PPP2R2B: variants seen among roughly 807,000 people sequenced by gnomAD.
PPP2R2B encodes the protein serine/threonine-protein phosphatase 2A 55 kDa regulatory subunit B beta isoform.
A neutral mutation model predicts 46.0 loss-of-function variants in PPP2R2B; 5 were observed. That is an observed-to-expected ratio of 0.11 (90% confidence interval 0.06 to 0.23). PPP2R2B has a LOEUF of 0.23. Among genes scored for constraint, PPP2R2B ranks in the 10% least tolerant of loss-of-function variants. The probability of loss-of-function intolerance (pLI) is 1.00; values close to 1 mark genes in which losing one functional copy is unlikely to be tolerated. For synonymous variants in PPP2R2B, 215 were observed against 206.7 expected (o/e 1.04, Z -0.34); for missense variants, 367 against 575.0 (o/e 0.64, Z 3.70).
intron 5 of PPP2R2B, among the ~76,000 whole-genome samples, chr5:146,657,034 C>G (rs982391206): frequency 6.6e-6 from 1 of 152,164 alleles, no homozygotes; most frequent in African/African-American, 2.4e-5. Context: ...GTGACCACAC[C>G]AGCGATTCTT....
At chr5:146,749,072 A>G (rs953545400) in intron 2 of PPP2R2B, among the ~76,000 whole-genome samples, 1 of 152,186 alleles carries the variant, frequency 6.6e-6, no homozygotes, top group Non-Finnish European at 1.5e-5. Context: ...GCATTCCAGC[A>G]CTTGTATTGC....
intron 2 of PPP2R2B, among the ~76,000 whole-genome samples, chr5:146,824,889 TTG>T (rs1163787505): frequency 6.6e-6 from 1 of 151,950 alleles, no homozygotes; most frequent in Non-Finnish European, 1.5e-5. Flanking sequence ...GGCTAATTTT[TTG>T]TGTGTGTTTT....
chr5:147,017,892 C>T (rs1247163108), intron 1 of PPP2R2B, among the ~76,000 whole-genome samples: 1 of 152,082 alleles, frequency 6.6e-6, no homozygotes, highest in East Asian at 1.9e-4. Context: ...TAAGGATCTT[C>T]AAGCTGGAAA....
At position 147,043,645 on chromosome 5, in the gene PPP2R2B, T is replaced by C. The variant is rs546733831; in HGVS notation, c.79+12020A>G. Among the ~76,000 whole-genome samples, 309 of 152,298 alleles carry C rather than the reference T, an allele frequency of 2.0e-3. 1 individual carries two copies. Among genetic ancestry groups the C allele is most frequent in the African/African-American group, 6.8e-3 (283 of 41,570 alleles). ...TTATTTAATTATTCACCTATTTACT[T>C]CCTCAGACTTTGCTGCATGCTCAGT... is the stretch of plus-strand genomic sequence containing the variant. On this transcript the variant is annotated intron_variant, in intron 1 of 8. Transcript: ENST00000336640.
chr5:146,820,834 A>G, intron 2 of PPP2R2B, among the ~76,000 whole-genome samples: 1 of 152,170 alleles, frequency 6.6e-6, no homozygotes, highest in East Asian at 1.9e-4. Context: ...CTAGAGACAC[A>G]GGATTCATTC....
intron 7 of PPP2R2B, among the ~76,000 whole-genome samples, chr5:146,608,003 T>A (rs1772453893): frequency 6.6e-6 from 1 of 152,256 alleles, no homozygotes; most frequent in Non-Finnish European, 1.5e-5. Flanking sequence ...AAAACACTAT[T>A]CTTTTTTGAT....
chr5:146,846,172 G>C (rs1018704778), intron 2 of PPP2R2B, among the ~76,000 whole-genome samples: 1 of 151,754 alleles, frequency 6.6e-6, no homozygotes, highest in African/African-American at 2.4e-5. Flanking sequence ...TTGAGCCCAG[G>C]AGTTCGTGAC....
At chr5:146,913,009 CTA>C (rs2151807467) in intron 1 of PPP2R2B, among the ~76,000 whole-genome samples, 1 of 152,286 alleles carries the variant, frequency 6.6e-6, no homozygotes, top group East Asian at 1.9e-4. Context: ...GTTAAAAACA[CTA>C]TGTGTTCAGC....
At chr5:146,870,396 A>G (rs780934712) in intron 2 of PPP2R2B, among the ~76,000 whole-genome samples, 1 of 152,144 alleles carries the variant, frequency 6.6e-6, no homozygotes, top group Admixed American at 6.5e-5. Context: ...AATGCCAGAG[A>G]TTGCGCTCTC....
At chr5:146,640,520 G>A (rs1159867270) in intron 6 of PPP2R2B, among the ~76,000 whole-genome samples, 2 of 152,240 alleles carry the variant, frequency 1.3e-5, no homozygotes, top group Admixed American at 6.5e-5. Context: ...GGTAAACGGA[G>A]GTTAGTTTTC....
At chr5:146,828,263 A>ATTTTT (rs1362523331) in intron 2 of PPP2R2B, among the ~76,000 whole-genome samples, 1 of 141,400 alleles carries the variant, frequency 7.1e-6, no homozygotes, top group African/African-American at 2.6e-5. Context: ...ACTTTTTTTA[A>ATTTTT]AAAAAAAAAA....
intron 2 of PPP2R2B, among the ~76,000 whole-genome samples, chr5:146,871,875 T>A (rs1176783612): frequency 6.6e-6 from 1 of 152,244 alleles, no homozygotes; most frequent in Non-Finnish European, 1.5e-5. Flanking sequence ...TTGAAATTTC[T>A]TATTTTAAAA....
chr5:146,746,399 T>C (rs1209394982), intron 2 of PPP2R2B, among the ~76,000 whole-genome samples: 1 of 151,786 alleles, frequency 6.6e-6, no homozygotes, highest in Admixed American at 6.6e-5. Flanking sequence ...AAAAAAGTCA[T>C]ATGTAGCAAT....
chr5:146,938,146 T>C (rs1764214066), intron 1 of PPP2R2B, among the ~76,000 whole-genome samples: 3 of 152,308 alleles, frequency 2.0e-5, no homozygotes, highest in Middle Eastern at 6.8e-3. Context: ...GATTATAGGG[T>C]ATGCTGTTAT....
chr5:146,687,582 C>T (rs538568653), intron 5 of PPP2R2B, among the ~76,000 whole-genome samples: 41 of 152,130 alleles, frequency 2.7e-4, no homozygotes, highest in East Asian at 1.9e-4. Context: ...GGTGAGAAAA[C>T]GCTTGTAATA....
intron 5 of PPP2R2B, among the ~76,000 whole-genome samples, chr5:146,674,146 T>C (rs781033501): frequency 6.6e-6 from 1 of 152,210 alleles, no homozygotes; most frequent in Non-Finnish European, 1.5e-5. Context: ...TATTATTGAA[T>C]GGTTAGTACT....
intron 5 of PPP2R2B, among the ~76,000 whole-genome samples, chr5:146,681,697 A>T (rs1778184198): frequency 6.6e-6 from 1 of 152,170 alleles, no homozygotes; most frequent in Non-Finnish European, 1.5e-5. Context: ...GTCAGTGTGA[A>T]TCAGGTTTGG....
intron 1 of PPP2R2B, among the ~76,000 whole-genome samples, chr5:146,943,261 T>C (rs904619833): frequency 3.9e-5 from 6 of 152,190 alleles, no homozygotes; most frequent in African/African-American, 1.2e-4. Context: ...TGTTTGGGAA[T>C]GTGAATGGGA....
chr5:146,668,428 C>T (rs1392709719), intron 5 of PPP2R2B, among the ~76,000 whole-genome samples: 2 of 152,126 alleles, frequency 1.3e-5, no homozygotes, highest in Admixed American at 6.5e-5. Context: ...CTCATAATTT[C>T]CCCCCACTTC....
Sources: allele counts gnomAD v4.1 joint callset (sites outside exome capture counted in the v4.1 genomes callset), GRCh38; gene constraint gnomAD v4.1.1; transcripts MANE v1.5; gene names NCBI Gene and HGNC (gene_info 2026-07-23, HGNC 2026-07-21).